Variants in AP2A1 observed in about 807,000 individuals in gnomAD.
AP2A1 encodes the protein adaptor related protein complex 2 subunit alpha 1, also known as AP-2 complex subunit alpha-1.
AP2A1 carries 21 observed loss-of-function variants against 107.3 expected under a neutral mutation model. That is an observed-to-expected ratio of 0.20 (90% CI 0.14 to 0.28). The LOEUF (loss-of-function observed/expected upper bound fraction) is 0.28, where lower values mean the gene tolerates loss of function less well. AP2A1 is among the 10% of genes least tolerant of loss of function. The pLI is 1.00. For missense variants in AP2A1, 873 were observed against 1,307.7 expected (o/e 0.67, Z 5.13); for synonymous variants, 602 against 564.8 (o/e 1.07, Z -0.93).
Position 49,787,343 on chromosome 19 carries a change from TTTTGTTTTTTG to T in AP2A1, c.474-4588_474-4578del, listed in dbSNP as rs1568579456. On this transcript the variant is annotated intron_variant, in intron 4 of 22. Coordinates refer to ENST00000354293, the MANE Select transcript of AP2A1 (RefSeq NM_130787.3). ...CATCTAGGCTTTTTTTGTTTGTTTT[TTTTGTTTTTTG>T]TTTTTTTTTTTTTGAGGCAGTCTCT... is the stretch of plus-strand genomic sequence containing the variant. 8.0e-4 allele frequency among the ~76,000 whole-genome samples: 91 copies of T among 114,120 alleles called. 6 individuals are homozygous for T. The highest frequency in any genetic ancestry group is 4.4e-3 in the Middle Eastern group (1 of 228). 74.9% of individuals were successfully genotyped at this position (114,120 alleles called of 152,430 possible).
At chr19:49,773,260 G>A (rs2084583842) in intron 1 of AP2A1, among the ~76,000 whole-genome samples, 1 of 152,224 alleles carries the variant, frequency 6.6e-6, no homozygotes, top group South Asian at 2.1e-4. Flanking sequence ...GGCTGGGGCT[G>A]CCTCCTATCT....
At chr19:49,794,221 GTTT>G (rs35239509) in intron 6 of AP2A1, among the ~76,000 whole-genome samples, 1 of 131,738 alleles carries the variant, frequency 7.6e-6, no homozygotes, top group Non-Finnish European at 1.6e-5. Context: ...TCTTTCTCAG[GTTT>G]TTTTTTTTTT....
rs562147715 is a variant in AP2A1, at chr19:49,794,557, G to A, written c.706-1073G>A. On this transcript the variant is annotated intron_variant, in intron 6 of 22. Coordinates refer to ENST00000354293, the MANE Select transcript of AP2A1 (RefSeq NM_130787.3). ...TCTGAGTACTGCAGTGTGCCAGGAT[G>A]ACAGTGAGGTAGGAACACAGACCAG... Among the ~76,000 whole-genome samples the A allele has an allele frequency of 2.0e-5, 3 of 152,252 alleles. No individual in the cohort carries two copies. In the East Asian group the frequency reaches 5.8e-4, roughly 29 times the overall value.
In AP2A1 at chr19:49,803,360, G is replaced by A. The variant is rs1486077073; in HGVS notation, c.2328G>A (p.Pro776=). 6 of 1,613,648 alleles carry A rather than the reference G, an allele frequency of 3.7e-6. No individual in the cohort carries two copies. The highest frequency in any genetic ancestry group is 5.1e-6 in the Non-Finnish European group (6 of 1,179,822). The change falls in exon 18 of 23, where the codon CCG becomes CCA. Residue 776 remains proline (P), a synonymous_variant. Transcript: ENST00000354293. ...FQNFSPTVVH[P]GDLQTQLAVQ... ...ATTTCTCACCCACTGTGGTTCACCCGGGAGACCTCCAGACTCATATCCTCT... is the reference window on the plus strand; with the variant it reads ...ATTTCTCACCCACTGTGGTTCACCCAGGAGACCTCCAGACTCATATCCTCT...
At chr19:49,800,690 G>A (rs1339487752) in intron 11 of AP2A1, 3 of 368,214 alleles carry the variant, frequency 8.1e-6, no homozygotes, top group African/African-American at 6.4e-5. Context: ...AGGCTGGTTT[G>A]AAACTCCTGA....
intron 1 of AP2A1, among the ~76,000 whole-genome samples, chr19:49,776,425 C>T (rs2084618171): frequency 1.3e-5 from 2 of 152,134 alleles, no homozygotes; most frequent in African/African-American, 4.8e-5. Flanking sequence ...CTCATTTTAG[C>T]CTCTCAGCCC....
Position 49,801,783 on chromosome 19 carries a change from T to C in AP2A1, c.1847T>C (p.Leu616Pro). ...PERESSILAK[L>P]KRKKGPGAGS... ...CGCGAGTCGTCCATCCTGGCCAAGC[T>C]GAAACGCAAGAAGGGGCCAGGGGCC... The change falls in exon 14 of 23, where the codon CTG becomes CCG. Residue 616 changes from leucine to proline, a missense_variant. Around this residue, in one of 4 missense-constraint regions of AP2A1, gnomAD observed 416 missense variants for 473.4 expected, o/e 0.88. Coordinates refer to ENST00000354293, the MANE Select transcript of AP2A1 (RefSeq NM_130787.3). 1 of 1,568,582 alleles carries C rather than the reference T, an allele frequency of 6.4e-7. No homozygotes were observed. Among genetic ancestry groups the C allele is most frequent in the East Asian group, 2.3e-5 (1 of 42,860 alleles).
chr19:49,772,240 CAT>C (rs1471066029), intron 1 of AP2A1, among the ~76,000 whole-genome samples: 16 of 91,230 alleles, frequency 1.8e-4, no homozygotes, highest in African/African-American at 6.0e-4. Flanking sequence ...TTGTATTTTT[CAT>C]AGAGTTTTTT....
chr19:49,769,172 C>T (rs1054752546), intron 1 of AP2A1, among the ~76,000 whole-genome samples: 5 of 152,114 alleles, frequency 3.3e-5, no homozygotes, highest in Admixed American at 6.6e-5. Context: ...ATCGCTTGAA[C>T]CCGGGAGGCA....
intron 1 of AP2A1, among the ~76,000 whole-genome samples, chr19:49,781,350 A>G (rs7246578): frequency 2.4e-4 from 37 of 152,104 alleles, no homozygotes; most frequent in African/African-American, 7.7e-4. Flanking sequence ...AGAGGCAGTG[A>G]GCTCAGTGGT....
chr19:49,789,589 C>A (rs992452295), intron 4 of AP2A1, among the ~76,000 whole-genome samples: 3 of 128,472 alleles, frequency 2.3e-5, no homozygotes, highest in Non-Finnish European at 3.2e-5. Context: ...CTGCGCCTGG[C>A]CTTTTTTTTT....
chr19:49,802,339 C>G, intron 15 of AP2A1, 198 bp downstream of exon 15: 1 of 834,520 alleles, frequency 1.2e-6, no homozygotes, highest in South Asian at 1.4e-5. Context: ...CCACTCTGGA[C>G]TCCGCCGACC....
At chr19:49,783,027 C>G (rs760288464) in intron 4 of AP2A1, among the ~76,000 whole-genome samples, 24 of 152,358 alleles carry the variant, frequency 1.6e-4, no homozygotes, top group Non-Finnish European at 2.5e-4. Context: ...CCCTCCAGAA[C>G]TTCCTCATCT....
chr19:49,781,546 G>A (rs1197430481), intron 1 of AP2A1, among the ~76,000 whole-genome samples: 1 of 152,146 alleles, frequency 6.6e-6, no homozygotes, highest in Non-Finnish European at 1.5e-5. Context: ...GCCCAAGGGT[G>A]TGTGCTCTGT....
chr19:49,803,140 G>T lies in AP2A1; in HGVS notation c.2205G>T (p.Glu735Asp), dbSNP rs1425617723. 1 of 1,613,996 alleles carries T rather than the reference G, an allele frequency of 6.2e-7. No homozygotes were observed. The highest frequency in any genetic ancestry group is 8.5e-7 in the Non-Finnish European group (1 of 1,179,902). The change falls in exon 17 of 23, where the codon GAG (glutamate) becomes GAT (aspartate). Residue 735 changes from glutamate (E) to aspartate (D), a missense_variant. By Grantham distance (45) the Glu-to-Asp change is conservative. Transcript: ENST00000354293. The stretch of plus-strand genomic sequence containing the variant: ...GTAAGAACAACGGGGTCCTGTTCGA[G>T]AACCAGCTGCTGCAGATCGGAGTCA... The part of the protein sequence containing the change: ...FVCKNNGVLF[E>D]NQLLQIGVKS...
In AP2A1 at chr19:49,785,781, G is replaced by T. The variant is rs1904396835; in HGVS notation, c.473+3057G>T. On this transcript the variant is annotated intron_variant, in intron 4 of 22. Coordinates refer to ENST00000354293, the MANE Select transcript of AP2A1 (RefSeq NM_130787.3). The surrounding 1 kb of genome is among the most constrained non-coding windows in gnomAD (Gnocchi z 4.1). ...AAAATACAAAAATTAGTCAGGTGTG[G>T]TGGCGGGCACCTGTAATCCCAGCTA... is the stretch of plus-strand genomic sequence containing the variant. 6.6e-6 allele frequency among the ~76,000 whole-genome samples: 1 copy of T among 152,086 alleles called. No homozygotes were observed. The highest frequency in any genetic ancestry group is 1.5e-5 in the Non-Finnish European group (1 of 68,014).
chr19:49,795,640 C>A lies in AP2A1; in HGVS notation c.716C>A (p.Ser239Tyr). 6.5e-7 allele frequency: 1 copy of A among 1,547,232 alleles called. No homozygotes were observed. The change falls in exon 7 of 23, where the codon TCT becomes TAT. Residue 239 changes from serine (S) to tyrosine (Y), a missense_variant. Physicochemically the swap from Ser to Tyr is moderately radical, Grantham distance 144. Around this residue, in one of 4 missense-constraint regions of AP2A1, gnomAD observed 157 missense variants for 212.6 expected, o/e 0.74. Coordinates refer to ENST00000354293, the MANE Select transcript of AP2A1 (RefSeq NM_130787.3). ...GCTCTTCCCCGCCAGATCGTCTCCTCTGCCTCCACCGACCTCCAGGACTAC... is the reference window on the plus strand; with the variant it reads ...GCTCTTCCCCGCCAGATCGTCTCCTATGCCTCCACCGACCTCCAGGACTAC... ...AVSRLSRIVSSASTDLQDYTY... is the reference protein window; with the variant it reads ...AVSRLSRIVSYASTDLQDYTY...
intron 7 of AP2A1, 142 bp downstream of exon 7, chr19:49,795,880 C>T (rs1036364024): frequency 1.6e-5 from 11 of 680,986 alleles, no homozygotes; most frequent in East Asian, 5.4e-5. Context: ...TGTCCCCTTA[C>T]GTGGCTGCAC....
In AP2A1 at chr19:49,788,260, T is replaced by C. The variant is rs71353337; in HGVS notation, c.474-3675T>C. Reference sequence around the variant, plus strand: ...CACCGCGCCTGACTTGTGGTTTTATTTTTTATACTTGAATATGCAGCTTGA... The same window carrying C: ...CACCGCGCCTGACTTGTGGTTTTATCTTTTATACTTGAATATGCAGCTTGA... On this transcript the variant is annotated intron_variant, in intron 4 of 22. Coordinates refer to ENST00000354293, the MANE Select transcript of AP2A1 (RefSeq NM_130787.3). The surrounding 1 kb of genome is among the most constrained non-coding windows in gnomAD (Gnocchi z 4.5). 8.9e-3 allele frequency among the ~76,000 whole-genome samples: 1,359 copies of C among 152,330 alleles called. 10 individuals are homozygous for C. Among genetic ancestry groups the C allele is most frequent in the Non-Finnish European group, 0.014 (953 of 68,018 alleles).
Sources: gnomAD v4.1 joint callset for allele counts (sites outside exome capture counted in the v4.1 genomes callset) on GRCh38, gnomAD v4.1.1 for gene constraint, gnomAD v4.1.1 regional missense constraint, Gnocchi (gnomAD v3.1) non-coding constraint, MANE v1.5 for transcripts, NCBI Gene and HGNC (gene_info 2026-07-23, HGNC 2026-07-21) for gene names.